The following USP13 variants were observed in gnomAD, a reference collection of about 807,000 sequenced individuals.
USP13 encodes the protein ubiquitin carboxyl-terminal hydrolase 13.
In USP13, 68 loss-of-function variants were observed where a neutral mutation model predicts 107.8. The observed-to-expected ratio is 0.63, with a 90% confidence interval of 0.52 to 0.77. The LOEUF (loss-of-function observed/expected upper bound fraction) is 0.77, where lower values mean the gene tolerates loss of function less well. Among genes scored for constraint, USP13 ranks in the 30% least tolerant of loss-of-function variants. The pLI, the probability that USP13 is intolerant of heterozygous loss-of-function variation, is 0.00. For missense variants in USP13, 945 were observed against 1,093.3 expected, an observed-to-expected ratio of 0.86 and a Z score of 1.91; for synonymous variants, 377 against 389.5, an observed-to-expected ratio of 0.97 and a Z score of 0.38.
At chr3:179,775,424 C>T (rs1239098491) in intron 19 of USP13, among the ~76,000 whole-genome samples, 2 of 152,198 alleles carry the variant, frequency 1.3e-5, no homozygotes, top group African/African-American at 4.8e-5. Context: ...TTCTCCAAGT[C>T]CCCACCCGAC....
At chr3:179,731,539 T>C (rs1431381240) in intron 10 of USP13, among the ~76,000 whole-genome samples, 1 of 152,182 alleles carries the variant, frequency 6.6e-6, no homozygotes, top group Non-Finnish European at 1.5e-5. Flanking sequence ...CAGGCTCAAG[T>C]AGGAGAAACT....
chr3:179,724,649 G>C (rs1157355431), intron 8 of USP13, among the ~76,000 whole-genome samples: 1 of 152,066 alleles, frequency 6.6e-6, no homozygotes, highest in Non-Finnish European at 1.5e-5. Flanking sequence ...TTTTATTGAG[G>C]ATTAAATCTA....
intron 1 of USP13, among the ~76,000 whole-genome samples, chr3:179,674,688 T>G (rs903761688): frequency 6.6e-6 from 1 of 152,042 alleles, no homozygotes; most frequent in Non-Finnish European, 1.5e-5. Context: ...GGGTCACTGT[T>G]TTTTTGCTCT....
At position 179,653,424 on chromosome 3, in the gene USP13, G is replaced by A; in HGVS notation, c.168+31G>A. The A allele has an allele frequency of 6.5e-7, 1 of 1,541,460 alleles. No homozygotes were observed. Among genetic ancestry groups the A allele is most frequent in the Non-Finnish European group, 8.8e-7 (1 of 1,140,774 alleles). On this transcript the variant is annotated intron_variant, in intron 1 of 20. Coordinates refer to ENST00000263966, the MANE Select transcript of USP13 (RefSeq NM_003940.3). This position sits in a 1 kb window ranked among gnomAD's most constrained non-coding sequence, Gnocchi z 4.0. ...TGAGGCGCCTCGGGGGAGGGTCGCG[G>A]GGCCGGCGGCCTGCGGCACGTGAAG...
rs1715976581 is a variant in USP13, at chr3:179,788,634, T to A, written c.*4493T>A. ...AAATATTAACAATTTAATATATTTA[T>A]ATAATTGAAATTAAAATTCTTTTCA... is the stretch of plus-strand genomic sequence containing the variant. On this transcript the variant is annotated 3_prime_UTR_variant, in exon 21 of 21. Coordinates refer to ENST00000263966, the MANE Select transcript of USP13 (RefSeq NM_003940.3). 1 of 152,216 alleles carries A rather than the reference T, an allele frequency of 6.6e-6. No individual in the cohort carries two copies. The highest frequency in any genetic ancestry group is 1.5e-5 in the Non-Finnish European group (1 of 68,038). 9.4% of individuals were successfully genotyped at this position (152,216 alleles called of 1,614,324 possible).
chr3:179,766,730 G>A (rs756158586), intron 19 of USP13, among the ~76,000 whole-genome samples: 1 of 152,230 alleles, frequency 6.6e-6, no homozygotes, highest in Admixed American at 6.5e-5. Context: ...TATAAGCATA[G>A]AGAGCTTGGG....
chr3:179,658,433 T>C (rs1720353450), intron 1 of USP13, among the ~76,000 whole-genome samples: 2 of 148,400 alleles, frequency 1.3e-5, no homozygotes. Flanking sequence ...TTGTGCTAAT[T>C]CTGCCCCCCT....
chr3:179,749,014 G>A (rs1323845391), intron 13 of USP13, among the ~76,000 whole-genome samples: 2 of 152,024 alleles, frequency 1.3e-5, no homozygotes, highest in Non-Finnish European at 2.9e-5. Flanking sequence ...GTTTATCTTC[G>A]TTTTTTTGTC....
intron 4 of USP13, among the ~76,000 whole-genome samples, chr3:179,706,241 A>C (rs902304245): frequency 1.3e-5 from 2 of 152,250 alleles, no homozygotes; most frequent in African/African-American, 4.8e-5. Context: ...AAAGATAGCT[A>C]GAAATAGCTT....
At chr3:179,766,898 C>G (rs1318613113) in intron 19 of USP13, among the ~76,000 whole-genome samples, 2 of 152,190 alleles carry the variant, frequency 1.3e-5, no homozygotes, top group Non-Finnish European at 2.9e-5. Flanking sequence ...CTCCTCCAGT[C>G]AGATCCAGGC....
intron 6 of USP13, among the ~76,000 whole-genome samples, chr3:179,715,899 C>G (rs1227735655): frequency 6.6e-6 from 1 of 152,060 alleles, no homozygotes; most frequent in Non-Finnish European, 1.5e-5. Flanking sequence ...AGAAGGGCAC[C>G]AAAGCTGGCT....
intron 15 of USP13, 40 bp from the exon 16 acceptor site, chr3:179,757,012 T>C (rs759958930): frequency 6.2e-7 from 1 of 1,610,886 alleles, no homozygotes; most frequent in African/African-American, 1.3e-5. Context: ...CTCCTCAACA[T>C]GGTTTGGTCT....
chr3:179,667,056 G>T (rs962863142), intron 1 of USP13, among the ~76,000 whole-genome samples: 1 of 152,182 alleles, frequency 6.6e-6, no homozygotes, highest in Admixed American at 6.5e-5. Flanking sequence ...GTCCTCTCTG[G>T]AACTCTCCTC....
At chr3:179,707,163 T>C (rs1712750968) in intron 5 of USP13, 87 bp downstream of exon 5, 58 of 1,461,486 alleles carry the variant, frequency 4.0e-5, no homozygotes, top group Non-Finnish European at 5.2e-5. Flanking sequence ...GAATAGGAAG[T>C]TATATTTTTT....
At chr3:179,665,735 A>G (rs1282539771) in intron 1 of USP13, among the ~76,000 whole-genome samples, 2 of 151,902 alleles carry the variant, frequency 1.3e-5, no homozygotes, top group Admixed American at 6.6e-5. Flanking sequence ...ACAGGCATGC[A>G]CCACCATGCC....
rs1163257577 is a variant in USP13, at chr3:179,688,177, C to T, written c.295-2064C>T. Among the ~76,000 whole-genome samples the T allele has an allele frequency of 2.2e-4, 30 of 136,870 alleles. 1 individual carries two copies. Among genetic ancestry groups the T allele is most frequent in the Non-Finnish European group, 3.2e-4 (20 of 63,082 alleles). 89.8% of individuals were successfully genotyped at this position (136,870 alleles called of 152,430 possible). ...TATATCCATCCATCCGTATATCCAT[C>T]CATCCATCCATTCATCAATCCATCC... On this transcript the variant is annotated intron_variant, in intron 2 of 20. Coordinates refer to ENST00000263966, the MANE Select transcript of USP13 (RefSeq NM_003940.3).
chr3:179,761,328 A>G (rs1180940179), intron 17 of USP13, 73 bp downstream of exon 17: 3 of 1,573,462 alleles, frequency 1.9e-6, no homozygotes, highest in Admixed American at 3.5e-5. Flanking sequence ...TGGTCCTTCC[A>G]AGGTCCCTGT....
At chr3:179,752,435 T>G in intron 14 of USP13, 62 bp downstream of exon 14, 1 of 1,265,354 alleles carries the variant, frequency 7.9e-7, no homozygotes, top group East Asian at 2.3e-5. Flanking sequence ...CAACATGGCA[T>G]GTGAAAGAGC....
intron 13 of USP13, among the ~76,000 whole-genome samples, chr3:179,748,282 T>A (rs1302074769): frequency 6.6e-6 from 1 of 152,270 alleles, no homozygotes; most frequent in Non-Finnish European, 1.5e-5. Flanking sequence ...TCATGCTTGC[T>A]TATCCTTACA....
Sources: allele counts gnomAD v4.1 joint callset (sites outside exome capture counted in the v4.1 genomes callset), GRCh38; gene constraint gnomAD v4.1.1; non-coding constraint Gnocchi (gnomAD v3.1); transcripts MANE v1.5; gene names NCBI Gene and HGNC (gene_info 2026-07-23, HGNC 2026-07-21).